Variants in FAM13C observed in about 807,000 individuals in gnomAD.
FAM13C encodes protein FAM13C.
A neutral mutation model predicts 73.2 loss-of-function variants in FAM13C; 37 were observed. The ratio of observed to expected loss-of-function variants is 0.51; its 90% CI spans 0.39 to 0.67. FAM13C has a LOEUF of 0.67. FAM13C is among the 30% of genes least tolerant of loss of function. The pLI is 0.00. For synonymous variants in FAM13C, 246 were observed against 260.9 expected (o/e 0.94, Z 0.55); for missense variants, 589 against 715.6 (o/e 0.82, Z 2.02).
At chr10:59,309,413 C>T (rs1030929390) in intron 4 of FAM13C, among the ~76,000 whole-genome samples, 1 of 152,188 alleles carries the variant, frequency 6.6e-6, no homozygotes, top group African/African-American at 2.4e-5. Flanking sequence ...TCCGAGAGTA[C>T]TGTATGACAC....
intron 1 of FAM13C, among the ~76,000 whole-genome samples, chr10:59,360,211 T>C (rs1318509520): frequency 2.6e-5 from 4 of 152,218 alleles, no homozygotes; most frequent in Non-Finnish European, 2.9e-5. Context: ...ATAATTCATA[T>C]TAAAGTATTC....
intron 5 of FAM13C, among the ~76,000 whole-genome samples, chr10:59,291,000 C>G (rs1278113984): frequency 6.6e-5 from 10 of 152,122 alleles, no homozygotes; most frequent in Non-Finnish European, 1.5e-4. Context: ...TCCAGAGATT[C>G]TGGTTCAGTA....
At chr10:59,339,891 A>T (rs184934148) in intron 3 of FAM13C, among the ~76,000 whole-genome samples, 1 of 152,274 alleles carries the variant, frequency 6.6e-6, no homozygotes, top group East Asian at 1.9e-4. Flanking sequence ...GAGGTAGAGG[A>T]TTATTTTATG....
chr10:59,335,987 C>A (rs1003289769), intron 3 of FAM13C, among the ~76,000 whole-genome samples: 3 of 152,202 alleles, frequency 2.0e-5, no homozygotes, highest in South Asian at 2.1e-4. Flanking sequence ...CTACAGCATG[C>A]TCATGACTTC....
intron 2 of FAM13C, among the ~76,000 whole-genome samples, chr10:59,355,354 C>T (rs7098034): frequency 0.1 from 15,681 of 152,166 alleles, 1,237 homozygotes; most frequent in African/African-American, 0.22. Context: ...CATAGTGCTA[C>T]GTTATCTTGG....
chr10:59,319,702 T>C lies in FAM13C; in HGVS notation c.443+4286A>G, dbSNP rs933478548. On this transcript the variant is annotated intron_variant, in intron 4 of 13. Transcript: ENST00000618804. ...TCTATTAGTAAGGGAAGAGAGAACT[T>C]GAGCAAATCACAGCCTCACTGGGTG... 3.3e-5 allele frequency among the ~76,000 whole-genome samples: 5 copies of C among 152,334 alleles called. No individual in the cohort carries two copies. The South Asian group carries it at 1.0e-3, about 32-fold the overall frequency.
chr10:59,324,032 T>G lies in FAM13C; in HGVS notation c.399A>C (p.Gln133His), dbSNP rs756534449. ...TTTCTTGGCACTTGAAGGCATTGTT[T>G]TGTGGACTCTCATGAGCTGGTGTTC... ...RAGTPAHESP[Q>H]NNAFKCQETV... The change falls in exon 4 of 14, where the codon CAA (glutamine) becomes CAC (histidine). Residue 133 changes from glutamine (Q) to histidine (H), a missense_variant. By Grantham distance (24) the Gln-to-His change is conservative. Coordinates refer to ENST00000618804, the MANE Select transcript of FAM13C (RefSeq NM_198215.4). 2 of 1,614,104 alleles carry G rather than the reference T, an allele frequency of 1.2e-6. No individual in the cohort carries two copies. The highest frequency in any genetic ancestry group is 2.2e-5 in the South Asian group (2 of 91,076).
At position 59,262,518 on chromosome 10, in the gene FAM13C, G is replaced by A. The variant is rs775849830; in HGVS notation, c.1152C>T (p.Ser384=). ...GKPEAAGPEP[S]SSGEETPDAA... ...CATCTGGAGTCTCTTCTCCAGAGGAGCTTGGCTCCGGGCCCGCAGCTTCCG... is the reference window on the plus strand; with the variant it reads ...CATCTGGAGTCTCTTCTCCAGAGGAACTTGGCTCCGGGCCCGCAGCTTCCG... The change falls in exon 10 of 14, where the codon AGC becomes AGT. Residue 384 remains serine, a synonymous_variant. Transcript: ENST00000618804. 1 of 1,613,758 alleles carries A rather than the reference G, an allele frequency of 6.2e-7. No homozygotes were observed. The highest frequency in any genetic ancestry group is 2.2e-5 in the East Asian group (1 of 44,868).
In FAM13C at chr10:59,269,923, G is replaced by A. The variant is rs1843511230; in HGVS notation, c.779C>T (p.Pro260Leu). The A allele has an allele frequency of 6.2e-7, 1 of 1,613,828 alleles. No homozygotes were observed. Among genetic ancestry groups the A allele is most frequent in the Non-Finnish European group, 8.5e-7 (1 of 1,179,904 alleles). ...FNLDPESAPS[P>L]PSTQQFMMPR... ...CATCATAAACTGCTGAGTGCTGGGT[G>A]GAGATGGGGCTGACTCGGGGTCTAA... Residue 260 changes from proline (P) to leucine (L), a missense_variant, in exon 7 of 14, where the codon CCA (proline) becomes CTA (leucine). Physicochemically the swap from Pro to Leu is moderately conservative, Grantham distance 98. Coordinates refer to ENST00000618804, the MANE Select transcript of FAM13C (RefSeq NM_198215.4).
chr10:59,354,363 T>C (rs1020329485), intron 2 of FAM13C, among the ~76,000 whole-genome samples: 10 of 152,190 alleles, frequency 6.6e-5, no homozygotes, highest in African/African-American at 2.4e-4. Flanking sequence ...TTTTCTCACA[T>C]ATTATTGGTT....
intron 3 of FAM13C, among the ~76,000 whole-genome samples, chr10:59,329,759 T>G (rs533131761): frequency 4.6e-5 from 7 of 152,212 alleles, no homozygotes; most frequent in Non-Finnish European, 1.0e-4. Flanking sequence ...GTCTATCATA[T>G]CATATATATT....
At position 59,262,585 on chromosome 10, in the gene FAM13C, A is replaced by G. The variant is rs1369479981; in HGVS notation, c.1085T>C (p.Leu362Pro). The stretch of plus-strand genomic sequence containing the variant: ...GGGGACTGTGGGTTGCTCACACAAC[A>G]GGTTTCTAGGTGGACCTTTGGGAGC... ...GSAPKGPPRN[L>P]LCEQPTVPRE... The change falls in exon 10 of 14, where the codon CTG becomes CCG. Residue 362 changes from leucine (L) to proline (P), a missense_variant. By Grantham distance (98) the Leu-to-Pro change is moderately conservative. Coordinates refer to ENST00000618804, the MANE Select transcript of FAM13C (RefSeq NM_198215.4). 4 of 1,613,602 alleles carry G rather than the reference A, an allele frequency of 2.5e-6. No homozygotes were observed. In the South Asian group the frequency reaches 4.4e-5, roughly 18 times the overall value.
intron 4 of FAM13C, among the ~76,000 whole-genome samples, chr10:59,321,463 C>T (rs1345669956): frequency 7.7e-6 from 1 of 129,716 alleles, no homozygotes; most frequent in African/African-American, 3.1e-5. Context: ...TTTTTTTGGC[C>T]CAGGGAGACA....
intron 4 of FAM13C, among the ~76,000 whole-genome samples, chr10:59,305,108 T>G (rs1848114920): frequency 6.6e-6 from 1 of 152,208 alleles, no homozygotes; most frequent in Non-Finnish European, 1.5e-5. Flanking sequence ...CCTCAGGTAT[T>G]CTGCAATAGC....
intron 2 of FAM13C, 49 bp downstream of exon 2, chr10:59,355,838 G>C: frequency 6.4e-7 from 1 of 1,552,608 alleles, no homozygotes; most frequent in East Asian, 2.2e-5. Flanking sequence ...ACCAGACCTA[G>C]ATGGCTTCTG....
At chr10:59,360,993 A>G (rs1164379340) in intron 1 of FAM13C, 1 of 1,280,072 alleles carries the variant, frequency 7.8e-7, no homozygotes, top group Non-Finnish European at 1.0e-6. Context: ...AGCACTTAGT[A>G]CTTTAAGCAC....
At chr10:59,304,969 A>G (rs1412144846) in intron 4 of FAM13C, among the ~76,000 whole-genome samples, 4 of 151,474 alleles carry the variant, frequency 2.6e-5, no homozygotes, top group Non-Finnish European at 1.5e-5. Flanking sequence ...GTTCAAGCCA[A>G]CTCCCCTTTG....
chr10:59,356,819 C>T (rs1219428726), intron 1 of FAM13C, among the ~76,000 whole-genome samples: 1 of 152,198 alleles, frequency 6.6e-6, no homozygotes, highest in Non-Finnish European at 1.5e-5. Context: ...CTGGGAGAGG[C>T]AGACACACTC....
Position 59,362,531 on chromosome 10 carries a change from C to T in FAM13C, c.-71G>A. On this transcript the variant is annotated 5_prime_UTR_variant, in exon 1 of 14. The change abolishes an upstream ATG in the 5' untranslated region. Transcript: ENST00000618804. Reference sequence around the variant, plus strand: ...AGTTAGAGCACATACACAAACATGGCATTGCAAGGCAAGTCTCCGGGCTCG... The same window carrying T: ...AGTTAGAGCACATACACAAACATGGTATTGCAAGGCAAGTCTCCGGGCTCG... 6.3e-7 allele frequency: 1 copy of T among 1,582,706 alleles called. No homozygotes were observed. The highest frequency in any genetic ancestry group is 1.1e-5 in the South Asian group (1 of 87,062).
Sources: allele counts gnomAD v4.1 joint callset (sites outside exome capture counted in the v4.1 genomes callset), GRCh38; gene constraint gnomAD v4.1.1; transcripts MANE v1.5; gene names NCBI Gene and HGNC (gene_info 2026-07-23, HGNC 2026-07-21).